The following PCNX1 variants were observed in gnomAD, a reference collection of about 807,000 sequenced individuals.
PCNX1 encodes the protein pecanex 1.
PCNX1 carries 78 observed loss-of-function variants against 242.2 expected under a neutral mutation model. The observed-to-expected ratio is 0.32, with a 90% CI of 0.27 to 0.39. The LOEUF (loss-of-function observed/expected upper bound fraction) is 0.39. Among genes scored for constraint, PCNX1 ranks in the 10% least tolerant of loss-of-function variants. The pLI is 1.00. For synonymous variants in PCNX1, 1,024 were observed against 1,032.9 expected, an observed-to-expected ratio of 0.99 and a Z score of 0.17; for missense variants, 2,581 against 2,856.5, an observed-to-expected ratio of 0.90 and a Z score of 2.20.
chr14:71,074,990 C>CTCTTTTTTTTTTTT, intron 27 of PCNX1, among the ~76,000 whole-genome samples: 1 of 101,100 alleles, frequency 9.9e-6, no homozygotes, highest in African/African-American at 3.8e-5. Flanking sequence ...CTTTTCTTCT[C>CTCTTTTTTTTTTTT]TTTTTTTTTT....
At chr14:71,091,740 G>A (rs1303126399) in intron 30 of PCNX1, among the ~76,000 whole-genome samples, 1 of 152,156 alleles carries the variant, frequency 6.6e-6, no homozygotes, top group Non-Finnish European at 1.5e-5. Context: ...TGAAAGAAAT[G>A]TAAACAAACA....
intron 11 of PCNX1, among the ~76,000 whole-genome samples, chr14:71,015,430 C>A (rs1319816166): frequency 1.3e-5 from 2 of 152,060 alleles, no homozygotes; most frequent in Non-Finnish European, 2.9e-5. Flanking sequence ...GCAGAGGGGA[C>A]AAATAAAAGC....
chr14:70,948,910 CGTATATATGT>C (rs917463102), intron 2 of PCNX1, among the ~76,000 whole-genome samples: 3 of 144,442 alleles, frequency 2.1e-5, no homozygotes, highest in Non-Finnish European at 4.5e-5. Context: ...CGTGTATATA[CGTATATATGT>C]GTATATATGT....
At chr14:70,960,509 A>G (rs1229159564) in intron 2 of PCNX1, among the ~76,000 whole-genome samples, 2 of 152,190 alleles carry the variant, frequency 1.3e-5, no homozygotes, top group Non-Finnish European at 2.9e-5. Context: ...TATCGATGGG[A>G]CGTATCTCAA....
intron 11 of PCNX1, among the ~76,000 whole-genome samples, chr14:71,015,610 AC>A (rs1401866635): frequency 6.6e-6 from 1 of 152,196 alleles, no homozygotes; most frequent in Non-Finnish European, 1.5e-5. Flanking sequence ...AGCCTTGGCA[AC>A]CTAGTGAGAC....
At chr14:71,099,998 G>T (rs1318174712) in intron 30 of PCNX1, among the ~76,000 whole-genome samples, 6 of 151,960 alleles carry the variant, frequency 3.9e-5, no homozygotes, top group Admixed American at 3.9e-4. Flanking sequence ...CCAGACAAAT[G>T]GATCTTTTTT....
intron 6 of PCNX1, among the ~76,000 whole-genome samples, chr14:70,978,957 C>A (rs977211258): frequency 1.3e-5 from 2 of 152,072 alleles, no homozygotes. Flanking sequence ...TAGCCCTCTT[C>A]CTTTGTATAG....
chr14:71,030,561 CCT>C (rs2060355282), intron 16 of PCNX1, among the ~76,000 whole-genome samples: 1 of 152,068 alleles, frequency 6.6e-6, no homozygotes. Flanking sequence ...AACAGCGGTC[CCT>C]TTATCATGGG....
intron 2 of PCNX1, among the ~76,000 whole-genome samples, chr14:70,952,570 C>G (rs2057828271): frequency 6.6e-6 from 1 of 150,488 alleles, no homozygotes; most frequent in South Asian, 2.1e-4. Context: ...GTATGCATTT[C>G]TCTATGAGAG....
intron 1 of PCNX1, among the ~76,000 whole-genome samples, chr14:70,912,899 C>T (rs1425082310): frequency 6.6e-6 from 1 of 152,182 alleles, no homozygotes; most frequent in South Asian, 2.1e-4. Context: ...AAAGGATACT[C>T]TTCCTTCTTG....
intron 19 of PCNX1, among the ~76,000 whole-genome samples, chr14:71,036,518 A>C (rs2060538036): frequency 6.6e-6 from 1 of 152,144 alleles, no homozygotes. Context: ...ATTGTGTTAC[A>C]GTTGCCTACA....
chr14:71,028,805 T>G lies in PCNX1; in HGVS notation c.3558+14T>G. The G allele has an allele frequency of 6.8e-7, 1 of 1,473,432 alleles. No homozygotes were observed. Among genetic ancestry groups the G allele is most frequent in the South Asian group, 1.2e-5 (1 of 82,836 alleles). 91.3% of individuals were successfully genotyped at this position (1,473,432 alleles called of 1,614,324 possible). ...GGGGCTTTAAAGGTGAGCAATAAAT[T>G]ATAGTATGTTTTGTCTTTAAGGCTA... is the stretch of plus-strand genomic sequence containing the variant. On this transcript the variant is annotated intron_variant, in intron 16 of 35. Transcript: ENST00000304743.
At chr14:71,102,843 C>G (rs1474747683) in intron 31 of PCNX1, among the ~76,000 whole-genome samples, 1 of 151,968 alleles carries the variant, frequency 6.6e-6, no homozygotes, top group Non-Finnish European at 1.5e-5. Flanking sequence ...CACCATATTG[C>G]TAATATAATA....
At chr14:70,973,474 C>G (rs1281947311) in intron 5 of PCNX1, among the ~76,000 whole-genome samples, 1 of 151,774 alleles carries the variant, frequency 6.6e-6, no homozygotes, top group East Asian at 1.9e-4. Flanking sequence ...TTGGATTGAA[C>G]AATTTAGGGG....
chr14:70,926,352 C>T (rs1273213709), intron 1 of PCNX1, among the ~76,000 whole-genome samples: 1 of 152,176 alleles, frequency 6.6e-6, no homozygotes, highest in Non-Finnish European at 1.5e-5. Context: ...CTCACCTGCT[C>T]CTTCACTCTC....
At chr14:70,937,947 A>G (rs1027703801) in intron 1 of PCNX1, among the ~76,000 whole-genome samples, 1 of 152,180 alleles carries the variant, frequency 6.6e-6, no homozygotes, top group African/African-American at 2.4e-5. Flanking sequence ...TTATTGGTAT[A>G]TAGGAATGCT....
chr14:71,031,185 C>A lies in PCNX1; in HGVS notation c.3559-2244C>A, dbSNP rs75295724. On this transcript the variant is annotated intron_variant, in intron 16 of 35. Coordinates refer to ENST00000304743, the MANE Select transcript of PCNX1 (RefSeq NM_014982.3). ...GTACATATCTGCGAATTAAAATGTG[C>A]AAATGTGCAAATATGCAAATGGAGA... 1.3e-3 allele frequency among the ~76,000 whole-genome samples: 203 copies of A among 152,286 alleles called. 4 individuals are homozygous for A. In the East Asian group the frequency reaches 0.037, roughly 28 times the overall value.
chr14:71,103,362 C>G (rs772508668), intron 31 of PCNX1, 33 bp from the exon 32 acceptor site: 1 of 1,607,432 alleles, frequency 6.2e-7, no homozygotes, highest in Non-Finnish European at 8.5e-7. Flanking sequence ...TTCTTGGCCC[C>G]TTAACCTAAT....
intron 1 of PCNX1, among the ~76,000 whole-genome samples, chr14:70,936,374 T>C (rs1319230850): frequency 1.3e-5 from 2 of 148,192 alleles, no homozygotes; most frequent in Non-Finnish European, 3.0e-5. Flanking sequence ...AGTGAGAACA[T>C]CTGGTGTTTG....
Sources: allele counts gnomAD v4.1 joint callset (sites outside exome capture counted in the v4.1 genomes callset), GRCh38; gene constraint gnomAD v4.1.1; transcripts MANE v1.5; gene names NCBI Gene and HGNC (gene_info 2026-07-23, HGNC 2026-07-21).